The following HS6ST3 variants were observed in gnomAD, a reference collection of about 807,000 sequenced individuals.
HS6ST3 encodes heparan-sulfate 6-O-sulfotransferase 3.
In HS6ST3, 12 loss-of-function variants were observed where a neutral mutation model predicts 36.7. That is an observed-to-expected ratio of 0.33 (90% CI 0.21 to 0.53). The LOEUF (loss-of-function observed/expected upper bound fraction) is 0.53, where lower values mean the gene tolerates loss of function less well. Among genes scored for constraint, HS6ST3 ranks in the 20% least tolerant of loss-of-function variants. HS6ST3 has a pLI of 0.95. For missense variants in HS6ST3, 584 were observed against 640.9 expected (o/e 0.91, Z 0.96); for synonymous variants, 240 against 257.5 (o/e 0.93, Z 0.65).
intron 1 of HS6ST3, among the ~76,000 whole-genome samples, chr13:96,330,964 G>A (rs1392626248): frequency 6.6e-6 from 1 of 151,710 alleles, no homozygotes; most frequent in Non-Finnish European, 1.5e-5. Flanking sequence ...CTTTCTTCCA[G>A]TTGATCGCAT....
intron 1 of HS6ST3, among the ~76,000 whole-genome samples, chr13:96,783,025 T>C (rs1475599979): frequency 1.3e-5 from 2 of 152,130 alleles, no homozygotes. Flanking sequence ...ATAAGTTGAG[T>C]AAATTATTTT....
At chr13:96,535,507 G>A (rs1215386009) in intron 1 of HS6ST3, among the ~76,000 whole-genome samples, 2 of 143,426 alleles carry the variant, frequency 1.4e-5, no homozygotes, top group African/African-American at 2.6e-5. Flanking sequence ...GCAGTGAGCC[G>A]AGATCTCACC....
intron 1 of HS6ST3, among the ~76,000 whole-genome samples, chr13:96,785,083 C>A (rs1298811862): frequency 6.6e-6 from 1 of 152,050 alleles, no homozygotes; most frequent in African/African-American, 2.4e-5. Context: ...GTGGGAGAAT[C>A]CCTTGAACCT....
chr13:96,779,393 G>A (rs1327159489), intron 1 of HS6ST3, among the ~76,000 whole-genome samples: 1 of 151,900 alleles, frequency 6.6e-6, no homozygotes, highest in Non-Finnish European at 1.5e-5. Context: ...ATAGGAATTT[G>A]TCCTATGGGA....
At chr13:96,614,373 G>C (rs918647036) in intron 1 of HS6ST3, among the ~76,000 whole-genome samples, 6 of 150,646 alleles carry the variant, frequency 4.0e-5, no homozygotes, top group Non-Finnish European at 8.8e-5. Flanking sequence ...TATCTCTTGG[G>C]AGAAATGGGT....
intron 1 of HS6ST3, among the ~76,000 whole-genome samples, chr13:96,248,737 T>A (rs995516275): frequency 1.3e-5 from 2 of 152,178 alleles, no homozygotes; most frequent in African/African-American, 4.8e-5. Flanking sequence ...ATTTTCCCAA[T>A]TAAAATTATA....
chr13:96,595,765 G>A (rs1411100371), intron 1 of HS6ST3, among the ~76,000 whole-genome samples: 1 of 149,142 alleles, frequency 6.7e-6, no homozygotes, highest in Non-Finnish European at 1.5e-5. Flanking sequence ...CAAATAACCT[G>A]TATTCAAGTA....
Position 96,836,531 on chromosome 13 carries a change from A to C in HS6ST3, c.*3333A>C, listed in dbSNP as rs1878932088. 1 of 152,222 alleles carries C rather than the reference A, an allele frequency of 6.6e-6. No homozygotes were observed. The highest frequency in any genetic ancestry group is 1.5e-5 in the Non-Finnish European group (1 of 68,044). The allele number at this position is 152,222 out of a possible 1,614,324, so 9.4% of individuals were successfully genotyped here. On this transcript the variant is annotated 3_prime_UTR_variant, in exon 2 of 2. Transcript: ENST00000376705. Reference sequence around the variant, plus strand: ...ATATCATGTGTTTTTATTAAAAATGATAAAGATGTGTTTCTTCTCATCTAA... The same window carrying C: ...ATATCATGTGTTTTTATTAAAAATGCTAAAGATGTGTTTCTTCTCATCTAA...
chr13:96,422,433 A>G (rs753732383), intron 1 of HS6ST3, among the ~76,000 whole-genome samples: 7 of 152,222 alleles, frequency 4.6e-5, no homozygotes, highest in Admixed American at 3.3e-4. Flanking sequence ...GGAAACTAGG[A>G]CTTGGTAGAA....
At chr13:96,289,379 T>C (rs561172109) in intron 1 of HS6ST3, among the ~76,000 whole-genome samples, 109 of 152,266 alleles carry the variant, frequency 7.2e-4, no homozygotes, top group African/African-American at 2.5e-3. Flanking sequence ...TGTGTGGGAA[T>C]AGAGCAAAGA....
rs9556548 is a variant in HS6ST3 at position 96,287,312 on chromosome 13, A to G, written c.707+195743A>G. Among the ~76,000 whole-genome samples the G allele has an allele frequency of 2.0e-4, 30 of 152,310 alleles. No individual in the cohort carries two copies. In the East Asian group the frequency reaches 3.9e-3, roughly 20 times the overall value. ...TGATTTACTTCAAGGAGTCTTAACC[A>G]TAAAAATATATAGAAAAATCTTATA... On this transcript the variant is annotated intron_variant, in intron 1 of 1. Transcript: ENST00000376705.
chr13:96,375,227 C>T lies in HS6ST3; in HGVS notation c.707+283658C>T, dbSNP rs145043493. On this transcript the variant is annotated intron_variant, in intron 1 of 1. Transcript: ENST00000376705. Reference sequence around the variant, plus strand: ...GTAAAGGGTGATTGCCTGATTACTTCGTAAAGACCTGTCCCTTCACCTGTT... The same window carrying T: ...GTAAAGGGTGATTGCCTGATTACTTTGTAAAGACCTGTCCCTTCACCTGTT... 3.2e-3 allele frequency among the ~76,000 whole-genome samples: 484 copies of T among 152,216 alleles called. 6 individuals are homozygous for T. Among genetic ancestry groups the T allele is most frequent in the African/African-American group, 0.011 (458 of 41,558 alleles).
intron 1 of HS6ST3, among the ~76,000 whole-genome samples, chr13:96,092,810 G>A (rs916206509): frequency 3.9e-5 from 6 of 152,002 alleles, no homozygotes; most frequent in African/African-American, 1.4e-4. Context: ...TTTTACTCTG[G>A]CAATTCTTCA....
At chr13:96,526,079 CAT>C (rs144583080) in intron 1 of HS6ST3, among the ~76,000 whole-genome samples, 2,549 of 152,228 alleles carry the variant, frequency 0.017, 72 homozygotes, top group African/African-American at 0.057. Flanking sequence ...AAAGAGAAGA[CAT>C]ATAGTCTGGG....
chr13:96,692,445 T>C (rs1043979050), intron 1 of HS6ST3, among the ~76,000 whole-genome samples: 1 of 152,194 alleles, frequency 6.6e-6, no homozygotes, highest in Non-Finnish European at 1.5e-5. Flanking sequence ...GTATCCATGA[T>C]TGGTTGAATC....
At chr13:96,327,137 C>A (rs1454301630) in intron 1 of HS6ST3, among the ~76,000 whole-genome samples, 2 of 149,008 alleles carry the variant, frequency 1.3e-5, no homozygotes, top group African/African-American at 4.9e-5. Flanking sequence ...GTTGCCTGTT[C>A]ACTCTGATGG....
intron 1 of HS6ST3, among the ~76,000 whole-genome samples, chr13:96,492,729 A>T (rs1297228829): frequency 6.6e-6 from 1 of 152,164 alleles, no homozygotes; most frequent in Non-Finnish European, 1.5e-5. Flanking sequence ...GAGTCTTCTT[A>T]TATATTAACA....
chr13:96,422,194 C>A (rs1049395946), intron 1 of HS6ST3, among the ~76,000 whole-genome samples: 9 of 152,210 alleles, frequency 5.9e-5, no homozygotes, highest in Admixed American at 5.9e-4. Flanking sequence ...CTGCTTAGCA[C>A]ATCGCATTGC....
intron 1 of HS6ST3, among the ~76,000 whole-genome samples, chr13:96,334,589 G>T (rs973055732): frequency 3.9e-5 from 6 of 152,232 alleles, no homozygotes; most frequent in African/African-American, 1.4e-4. Flanking sequence ...CCACAATGAT[G>T]GTGGAAGTCA....
Sources: allele counts gnomAD v4.1 joint callset (sites outside exome capture counted in the v4.1 genomes callset), GRCh38; gene constraint gnomAD v4.1.1; transcripts MANE v1.5; gene names NCBI Gene and HGNC (gene_info 2026-07-23, HGNC 2026-07-21).